The following STARD13 variants were observed in gnomAD, a reference collection of about 807,000 sequenced individuals.
The protein encoded by STARD13 is stAR-related lipid transfer protein 13.
In STARD13, 62 loss-of-function variants were observed where a neutral mutation model predicts 106.4. The observed-to-expected ratio is 0.58, with a 90% confidence interval of 0.48 to 0.72. The LOEUF is 0.72. Among genes scored for constraint, STARD13 ranks in the 30% least tolerant of loss-of-function variants. The probability of loss-of-function intolerance (pLI) is 0.00; values close to 1 mark genes in which losing one functional copy is unlikely to be tolerated. For synonymous variants in STARD13, 565 were observed against 553.0 expected (o/e 1.02, Z -0.31); for missense variants, 1,387 against 1,424.0 (o/e 0.97, Z 0.42).
intron 1 of STARD13, among the ~76,000 whole-genome samples, chr13:33,200,317 T>G (rs1412037598): frequency 6.6e-6 from 1 of 152,210 alleles, no homozygotes; most frequent in Non-Finnish European, 1.5e-5. Flanking sequence ...CTCAGGTAAA[T>G]GACCTATTCG....
At chr13:33,556,869 T>G in the STARD13 span, among the ~76,000 whole-genome samples, 4 of 152,140 alleles carry the variant, frequency 2.6e-5, no homozygotes, top group Admixed American at 2.0e-4. Flanking sequence ...TCCTCCCACC[T>G]CAGCCTCCCA....
At chr13:33,373,484 T>C in the STARD13 span, among the ~76,000 whole-genome samples, 2 of 152,162 alleles carry the variant, frequency 1.3e-5, no homozygotes, top group African/African-American at 2.4e-5. Context: ...CTTTGAACAG[T>C]TCCTATAAGA....
the STARD13 span, among the ~76,000 whole-genome samples, chr13:33,440,575 C>A: frequency 5.3e-5 from 8 of 151,312 alleles, no homozygotes. Context: ...TTTGCTTGTG[C>A]CCTTCTTATA....
At chr13:33,350,260 C>T (rs1298407283) in intron 1 of STARD13, 3 of 1,516,476 alleles carry the variant, frequency 2.0e-6, no homozygotes, top group Admixed American at 2.0e-5. Context: ...CCCCCGCCCC[C>T]GTGGGTCGCG....
Position 33,285,726 on chromosome 13 carries a change from C to A in STARD13, c.-88G>T. On this transcript the variant is annotated 5_prime_UTR_variant, in exon 1 of 14. Coordinates refer to ENST00000336934, the MANE Select transcript of STARD13 (RefSeq NM_178006.4). The stretch of plus-strand genomic sequence containing the variant: ...CAGTCAAAGAGCAAGGCACCCAGCC[C>A]AGGACAGCTCAACAGACCCAGCGAT... The A allele has an allele frequency of 6.5e-7, 1 of 1,540,226 alleles. No individual in the cohort carries two copies. The highest frequency in any genetic ancestry group is 8.7e-7 in the Non-Finnish European group (1 of 1,149,868).
At chr13:33,639,681 TC>T in the STARD13 span, among the ~76,000 whole-genome samples, 18 of 152,258 alleles carry the variant, frequency 1.2e-4, no homozygotes, top group African/African-American at 4.1e-4. Context: ...TGTCACTTAC[TC>T]CTGTGCCAAT....
intron 3 of STARD13, among the ~76,000 whole-genome samples, chr13:33,142,615 C>T (rs1879987637): frequency 6.6e-6 from 1 of 152,174 alleles, no homozygotes; most frequent in African/African-American, 2.4e-5. Flanking sequence ...AATCTAAACC[C>T]AGCCCTTTTC....
chr13:33,605,986 G>A, the STARD13 span, among the ~76,000 whole-genome samples: 2,107 of 152,182 alleles, frequency 0.014, 17 homozygotes, highest in Middle Eastern at 0.037. Context: ...ATCTCTTCAT[G>A]CCTCAGATGC....
the STARD13 span, among the ~76,000 whole-genome samples, chr13:33,459,695 A>G: frequency 6.6e-6 from 1 of 152,180 alleles, no homozygotes; most frequent in Non-Finnish European, 1.5e-5. Context: ...ATATTGTGCT[A>G]TGTTCCTTTT....
chr13:33,457,739 C>G, the STARD13 span, among the ~76,000 whole-genome samples: 7 of 152,148 alleles, frequency 4.6e-5, no homozygotes, highest in Non-Finnish European at 8.8e-5. Context: ...GGGCAGGGAT[C>G]TTTTTGGGGC....
the STARD13 span, among the ~76,000 whole-genome samples, chr13:33,499,620 TTCTTCTTC>T: frequency 9.7e-4 from 114 of 117,694 alleles, 1 homozygote; most frequent in Middle Eastern, 7.6e-3. Context: ...CTTCTTCTTC[TTCTTCTTC>T]TTCTTCTTCT....
the STARD13 span, among the ~76,000 whole-genome samples, chr13:33,356,968 C>G: frequency 3.9e-5 from 6 of 152,336 alleles, no homozygotes; most frequent in African/African-American, 1.4e-4. Context: ...GCAAAGAACT[C>G]TTTGTTCTAC....
the STARD13 span, among the ~76,000 whole-genome samples, chr13:33,666,034 C>T: frequency 1.3e-5 from 2 of 152,188 alleles, no homozygotes; most frequent in Non-Finnish European, 2.9e-5. Flanking sequence ...AGAGAAGCTG[C>T]TGCTAACATG....
At chr13:33,361,201 C>T in the STARD13 span, among the ~76,000 whole-genome samples, 1 of 151,516 alleles carries the variant, frequency 6.6e-6, no homozygotes, top group Non-Finnish European at 1.5e-5. Context: ...AAGACCAACC[C>T]TCTTTTATTC....
At chr13:33,375,685 G>A in the STARD13 span, among the ~76,000 whole-genome samples, 1 of 152,152 alleles carries the variant, frequency 6.6e-6, no homozygotes, top group Non-Finnish European at 1.5e-5. Flanking sequence ...TCACTATCAT[G>A]AAAACAGCAT....
At chr13:33,439,677 T>C in the STARD13 span, 1 of 1,256,024 alleles carries the variant, frequency 8.0e-7, no homozygotes, top group Non-Finnish European at 1.0e-6. Flanking sequence ...AAACATTTTC[T>C]CAGGGAGACT....
At chr13:33,258,265 C>A (rs183059434) in intron 1 of STARD13, among the ~76,000 whole-genome samples, 62 of 152,164 alleles carry the variant, frequency 4.1e-4, no homozygotes, top group Non-Finnish European at 6.2e-4. Flanking sequence ...AATTGCCCAC[C>A]CATATTATGT....
chr13:33,212,411 CT>C (rs530037476), intron 1 of STARD13, among the ~76,000 whole-genome samples: 24 of 152,330 alleles, frequency 1.6e-4, no homozygotes, highest in Non-Finnish European at 3.4e-4. Flanking sequence ...CCACTTTCTA[CT>C]GTTGAATTAT....
chr13:33,350,160 C>A, intron 1 of STARD13: 1 of 1,252,864 alleles, frequency 8.0e-7, no homozygotes, highest in Non-Finnish European at 1.0e-6. Flanking sequence ...CCGCAGCCCG[C>A]TCGCCCCGGC....
Sources: gnomAD v4.1 joint callset for allele counts (sites outside exome capture counted in the v4.1 genomes callset) on GRCh38, gnomAD v4.1.1 for gene constraint, MANE v1.5 for transcripts, NCBI Gene and HGNC (gene_info 2026-07-23, HGNC 2026-07-21) for gene names.